CHMP7: variants seen among roughly 807,000 people sequenced by gnomAD.
CHMP7 encodes charged multivesicular body protein 7.
In CHMP7, 15 loss-of-function variants were observed where a neutral mutation model predicts 53.7. The ratio of observed to expected loss-of-function variants is 0.28; its 90% confidence interval spans 0.19 to 0.43. The LOEUF (loss-of-function observed/expected upper bound fraction) is 0.43, where lower values mean the gene tolerates loss of function less well. Among genes scored for constraint, CHMP7 ranks in the 20% least tolerant of loss-of-function variants. The probability of loss-of-function intolerance (pLI) is 1.00; values close to 1 mark genes in which losing one functional copy is unlikely to be tolerated. For synonymous variants in CHMP7, 261 were observed against 228.0 expected, an observed-to-expected ratio of 1.14 and a Z score of -1.30; for missense variants, 527 against 569.4, an observed-to-expected ratio of 0.93 and a Z score of 0.76.
chr8:23,252,057 T>C (rs891543711), intron 3 of CHMP7, among the ~76,000 whole-genome samples: 7 of 103,294 alleles, frequency 6.8e-5, no homozygotes, highest in African/African-American at 2.0e-4. Flanking sequence ...CTTTTAAATC[T>C]TACCAACTTA....
chr8:23,259,097 C>T lies in CHMP7; in HGVS notation c.1091C>T (p.Thr364Ile), dbSNP rs767289175. ...GACACCCAGGATGAAGTTTCTCAGA[C>T]TCTGGCTGGTGGGGTAACAAATGGC... ...LCDTQDEVSQ[T>I]LAGGVTNGLD... Residue 364 changes from threonine (T) to isoleucine (I), a missense_variant, in exon 9 of 11, where the codon ACT (threonine) becomes ATT (isoleucine). By Grantham distance (89) the Thr-to-Ile change is moderately conservative. Coordinates refer to ENST00000397677, the MANE Select transcript of CHMP7 (RefSeq NM_152272.5). 3.7e-6 allele frequency: 6 copies of T among 1,607,742 alleles called. No homozygotes were observed. Among genetic ancestry groups the T allele is most frequent in the South Asian group, 1.1e-5 (1 of 90,970 alleles).
At chr8:23,253,064 A>G (rs1801991909) in intron 3 of CHMP7, among the ~76,000 whole-genome samples, 2 of 152,126 alleles carry the variant, frequency 1.3e-5, no homozygotes, top group Admixed American at 6.5e-5. Context: ...GATTCCCCCA[A>G]AGCAGTCCTT....
At chr8:23,258,212 T>G in intron 6 of CHMP7, 118 bp from the exon 7 acceptor site, 1 of 1,501,004 alleles carries the variant, frequency 6.7e-7, no homozygotes, top group Non-Finnish European at 9.2e-7. Context: ...GCACCACAGC[T>G]TATTTTACAG....
chr8:23,254,345 T>A (rs536003807), intron 3 of CHMP7, among the ~76,000 whole-genome samples: 112 of 152,192 alleles, frequency 7.4e-4, no homozygotes, highest in Non-Finnish European at 1.3e-3. Context: ...CTTACTCTTG[T>A]CACTAATCTT....
At chr8:23,247,139 C>A in intron 2 of CHMP7, 145 bp downstream of exon 2, 1 of 756,526 alleles carries the variant, frequency 1.3e-6, no homozygotes, top group Non-Finnish European at 1.9e-6. Flanking sequence ...GTTCAGAAGG[C>A]GAAGAAGGAA....
In CHMP7 at chr8:23,258,776, C is replaced by T. The variant is rs778468292; in HGVS notation, c.1005C>T (p.Ser335=). Residue 335 remains serine (S), a synonymous_variant, in exon 8 of 11, where the codon TCC becomes TCT. Transcript: ENST00000397677. ...YQAGVGALKL[S]MKDVTVEKAE... ...CTGGGGTAGGAGCACTCAAACTCTCCATGAAGGATGTCACAGTGGAGAAGG... is the reference window on the plus strand; with the variant it reads ...CTGGGGTAGGAGCACTCAAACTCTCTATGAAGGATGTCACAGTGGAGAAGG... 2.2e-5 allele frequency: 35 copies of T among 1,613,692 alleles called. No individual in the cohort carries two copies. The highest frequency in any genetic ancestry group is 2.7e-5 in the African/African-American group (2 of 74,882).
At chr8:23,245,295 G>A (rs1249103101) in intron 1 of CHMP7, among the ~76,000 whole-genome samples, 2 of 152,224 alleles carry the variant, frequency 1.3e-5, no homozygotes, top group Non-Finnish European at 2.9e-5. Flanking sequence ...TCAAGTGGAG[G>A]ATGTGTCCCT....
At chr8:23,250,491 T>C (rs1275146195) in intron 3 of CHMP7, among the ~76,000 whole-genome samples, 1 of 152,160 alleles carries the variant, frequency 6.6e-6, no homozygotes, top group Non-Finnish European at 1.5e-5. Flanking sequence ...CCCTGCCTAG[T>C]GACTGCTGTT....
chr8:23,256,399 C>T (rs950381198), intron 4 of CHMP7, 61 bp from the exon 5 acceptor site: 4 of 1,260,326 alleles, frequency 3.2e-6, no homozygotes, highest in Admixed American at 1.7e-5. Flanking sequence ...ACCAGCGCTC[C>T]TGGTTGGGAA....
At chr8:23,259,246 G>A (rs533192623) in intron 9 of CHMP7, 120 bp downstream of exon 9, 35 of 514,262 alleles carry the variant, frequency 6.8e-5, no homozygotes, top group Non-Finnish European at 1.1e-4. Flanking sequence ...TCGGCTCACT[G>A]CAAGCTCCGC....
intron 2 of CHMP7, 105 bp downstream of exon 2, chr8:23,247,099 T>C (rs6981400): frequency 0.19 from 225,839 of 1,181,482 alleles, 24,468 homozygotes; most frequent in East Asian, 0.49. Context: ...CCCAGCCCAG[T>C]GTCTGGCCCA....
intron 3 of CHMP7, among the ~76,000 whole-genome samples, chr8:23,252,032 C>T (rs970557567): frequency 2.6e-5 from 4 of 151,000 alleles, no homozygotes; most frequent in South Asian, 2.1e-4. Context: ...CTTGTCAGCA[C>T]GGGATGACAT....
intron 3 of CHMP7, among the ~76,000 whole-genome samples, chr8:23,251,065 G>A (rs1219768192): frequency 1.3e-5 from 2 of 152,318 alleles, no homozygotes; most frequent in African/African-American, 2.4e-5. Flanking sequence ...TGGTTTGGGT[G>A]GTTCTGGGCC....
Position 23,260,956 on chromosome 8 carries a change from T to G in CHMP7, c.*357T>G. ...CCATGAAGGGGAAAGATTTGCAGCTTTGCCAAATCTGAATCAGTTCCCACT... is the reference window on the plus strand; with the variant it reads ...CCATGAAGGGGAAAGATTTGCAGCTGTGCCAAATCTGAATCAGTTCCCACT... On this transcript the variant is annotated 3_prime_UTR_variant, in exon 11 of 11. Transcript: ENST00000397677. 3.3e-6 allele frequency: 1 copy of G among 302,634 alleles called. No individual in the cohort carries two copies. Among genetic ancestry groups the G allele is most frequent in the Non-Finnish European group, 6.2e-6 (1 of 161,914 alleles). 18.7% of individuals were successfully genotyped at this position (302,634 alleles called of 1,614,324 possible).
chr8:23,248,476 C>G (rs554246526), intron 2 of CHMP7, among the ~76,000 whole-genome samples: 1 of 152,192 alleles, frequency 6.6e-6, no homozygotes, highest in African/African-American at 2.4e-5. Context: ...ACAGCTTTTG[C>G]TTGAGGGCCG....
At position 23,246,632 on chromosome 8, in the gene CHMP7, A is replaced by G. The variant is rs1387859039; in HGVS notation, c.-64A>G. On this transcript the variant is annotated 5_prime_UTR_variant, in exon 2 of 11. Coordinates refer to ENST00000397677, the MANE Select transcript of CHMP7 (RefSeq NM_152272.5). Reference sequence around the variant, plus strand: ...GGTCAAGGAACGGAAGCCGGGAGGGAACGAGGGCGGAAGCGGACCAGGGCC... The same window carrying G: ...GGTCAAGGAACGGAAGCCGGGAGGGGACGAGGGCGGAAGCGGACCAGGGCC... 3.6e-6 allele frequency: 5 copies of G among 1,394,476 alleles called. No homozygotes were observed. The African/African-American group carries it at 5.7e-5, about 16-fold the overall frequency. 86.4% of individuals were successfully genotyped at this position (1,394,476 alleles called of 1,614,324 possible). A position where few individuals can be genotyped will look rare whatever the true frequency, so the allele number is the denominator to read the frequency against.
chr8:23,258,910 A>C lies in CHMP7; in HGVS notation c.1059+80A>C, dbSNP rs563511724. 479 of 1,134,564 alleles carry C rather than the reference A, an allele frequency of 4.2e-4. 6 individuals carry two copies. In the Admixed American group the frequency reaches 8.1e-3, roughly 19 times the overall value. The allele number at this position is 1,134,564 out of a possible 1,614,324, so 70.3% of individuals were successfully genotyped here. On this transcript the variant is annotated intron_variant, in intron 8 of 10. Coordinates refer to ENST00000397677, the MANE Select transcript of CHMP7 (RefSeq NM_152272.5). Reference sequence around the variant, plus strand: ...TTTGACTTCATTGCACATCCTCTTTAACGAAACCTGACTTGTGACCTTGTG... The same window carrying C: ...TTTGACTTCATTGCACATCCTCTTTCACGAAACCTGACTTGTGACCTTGTG...
chr8:23,252,415 ACCTCGTGATCCACCCGCC>A (rs1286756342), intron 3 of CHMP7: 1 of 151,818 alleles, frequency 6.6e-6, no homozygotes, highest in Non-Finnish European at 1.5e-5. Flanking sequence ...CGATCTCCTG[ACCTCGTGATCCACCCGCC>A]TTGGCCTCCC....
At chr8:23,256,703 T>A in intron 5 of CHMP7, 110 bp downstream of exon 5, 1 of 838,092 alleles carries the variant, frequency 1.2e-6, no homozygotes, top group Non-Finnish European at 1.8e-6. Context: ...TTTTTTTTTT[T>A]TAGCTAATTA....
Sources: gnomAD v4.1 joint callset for allele counts (sites outside exome capture counted in the v4.1 genomes callset) on GRCh38, gnomAD v4.1.1 for gene constraint, MANE v1.5 for transcripts, NCBI Gene and HGNC (gene_info 2026-07-23, HGNC 2026-07-21) for gene names.